Variants in PTPRD observed in about 807,000 individuals in gnomAD.
PTPRD encodes the protein receptor-type tyrosine-protein phosphatase delta.
A neutral mutation model predicts 214.5 loss-of-function variants in PTPRD; 34 were observed. The ratio of observed to expected loss-of-function variants is 0.16; its 90% CI spans 0.12 to 0.21. PTPRD has a LOEUF of 0.21. PTPRD is among the 10% of genes least tolerant of loss of function. PTPRD has a pLI of 1.00. For missense variants in PTPRD, 2,545 were observed against 2,398.7 expected, an observed-to-expected ratio of 1.06 and a Z score of -1.27; for synonymous variants, 1,128 against 845.7, an observed-to-expected ratio of 1.33 and a Z score of -5.79.
At chr9:9,215,805 T>C (rs1295478112) in intron 9 of PTPRD, among the ~76,000 whole-genome samples, 1 of 152,170 alleles carries the variant, frequency 6.6e-6, no homozygotes, top group African/African-American at 2.4e-5. Flanking sequence ...CCTCTATGTA[T>C]CAAGAATTGT....
intron 8 of PTPRD, among the ~76,000 whole-genome samples, chr9:9,438,735 A>G (rs1304838336): frequency 6.6e-6 from 1 of 152,218 alleles, no homozygotes; most frequent in African/African-American, 2.4e-5. Context: ...TTGCAATTTG[A>G]GAAGAAAATT....
chr9:10,519,848 T>A (rs1377562451), intron 2 of PTPRD, among the ~76,000 whole-genome samples: 1 of 152,052 alleles, frequency 6.6e-6, no homozygotes, highest in Admixed American at 6.6e-5. Flanking sequence ...CTTGATTAAC[T>A]AATGTTATGT....
At chr9:8,746,865 G>A (rs914672550) in intron 11 of PTPRD, among the ~76,000 whole-genome samples, 1 of 152,098 alleles carries the variant, frequency 6.6e-6, no homozygotes, top group Non-Finnish European at 1.5e-5. Context: ...TTGGATATGG[G>A]TCTCACATAG....
chr9:10,451,843 C>A (rs2098843622), intron 2 of PTPRD, among the ~76,000 whole-genome samples: 1 of 151,992 alleles, frequency 6.6e-6, no homozygotes, highest in Admixed American at 6.6e-5. Flanking sequence ...TGAGACAACA[C>A]TAAACCTCAC....
Position 10,394,430 on chromosome 9 carries a change from C to T in PTPRD, c.-599-53413G>A, listed in dbSNP as rs532120280. 9.2e-5 allele frequency among the ~76,000 whole-genome samples: 14 copies of T among 151,576 alleles called. No homozygotes were observed. In the South Asian group the frequency reaches 2.9e-3, roughly 31 times the overall value. ...TGCCTTCTTCTTAGTTAGGAACATA[C>T]AAAGGACAAACACTATCACTTAGTA... On this transcript the variant is annotated intron_variant, in intron 2 of 45. Transcript: ENST00000381196.
intron 12 of PTPRD, among the ~76,000 whole-genome samples, chr9:8,674,233 G>T (rs574499755): frequency 6.6e-6 from 1 of 152,146 alleles, no homozygotes; most frequent in African/African-American, 2.4e-5. Context: ...GCCGAGGCAG[G>T]CAGATCACAA....
At chr9:9,733,155 T>C (rs2098228716) in intron 7 of PTPRD, among the ~76,000 whole-genome samples, 1 of 152,184 alleles carries the variant, frequency 6.6e-6, no homozygotes, top group Non-Finnish European at 1.5e-5. Context: ...GTTAAAGTTA[T>C]GACAGAACAT....
At chr9:10,475,620 C>T (rs996128802) in intron 2 of PTPRD, among the ~76,000 whole-genome samples, 1 of 152,030 alleles carries the variant, frequency 6.6e-6, no homozygotes, top group Non-Finnish European at 1.5e-5. Context: ...GGGACTCCTC[C>T]TCAACTCATG....
intron 8 of PTPRD, among the ~76,000 whole-genome samples, chr9:9,402,642 T>A (rs948804075): frequency 6.6e-6 from 1 of 151,820 alleles, no homozygotes; most frequent in South Asian, 2.1e-4. Flanking sequence ...TACCAAAACA[T>A]TGAGATAATG....
intron 10 of PTPRD, among the ~76,000 whole-genome samples, chr9:9,030,105 C>A (rs572264355): frequency 6.6e-6 from 1 of 151,606 alleles, no homozygotes; most frequent in East Asian, 1.9e-4. Flanking sequence ...AAAATGCCAA[C>A]GAGAAAGAAC....
At chr9:10,522,217 G>A (rs1207487764) in intron 2 of PTPRD, among the ~76,000 whole-genome samples, 1 of 152,120 alleles carries the variant, frequency 6.6e-6, no homozygotes, top group East Asian at 1.9e-4. Context: ...ACACTAAGGA[G>A]TCTCTGAAGG....
At chr9:9,878,108 G>C (rs1447515563) in intron 5 of PTPRD, among the ~76,000 whole-genome samples, 1 of 151,712 alleles carries the variant, frequency 6.6e-6, no homozygotes, top group Non-Finnish European at 1.5e-5. Flanking sequence ...AGAGATTAAA[G>C]AATTCAACCT....
intron 5 of PTPRD, among the ~76,000 whole-genome samples, chr9:9,898,905 T>C (rs908113811): frequency 3.3e-5 from 5 of 152,014 alleles, no homozygotes; most frequent in African/African-American, 1.2e-4. Context: ...TATCCCATAT[T>C]CTCCAGGATT....
At chr9:8,591,834 T>C (rs1430965328) in intron 14 of PTPRD, among the ~76,000 whole-genome samples, 1 of 152,188 alleles carries the variant, frequency 6.6e-6, no homozygotes, top group Non-Finnish European at 1.5e-5. Context: ...ATTCACTATG[T>C]AAACCTTCTA....
At chr9:9,424,324 G>T (rs75123451) in intron 8 of PTPRD, among the ~76,000 whole-genome samples, 1 of 152,130 alleles carries the variant, frequency 6.6e-6, no homozygotes, top group Non-Finnish European at 1.5e-5. Context: ...AAGACAGTTG[G>T]TGCTGGTAAT....
chr9:8,389,099 G>T, intron 37 of PTPRD, 133 bp downstream of exon 37: 1 of 627,520 alleles, frequency 1.6e-6, no homozygotes, highest in East Asian at 3.2e-5. Flanking sequence ...AGTTGTTGAT[G>T]CCCATTCATA....
intron 3 of PTPRD, among the ~76,000 whole-genome samples, chr9:10,135,065 G>T (rs1041114529): frequency 5.3e-4 from 81 of 152,052 alleles, no homozygotes; most frequent in Admixed American, 5.3e-3. Context: ...TTTCACTACA[G>T]GAATTCCATA....
chr9:9,461,777 T>C (rs1383851371), intron 8 of PTPRD, among the ~76,000 whole-genome samples: 1 of 152,104 alleles, frequency 6.6e-6, no homozygotes, highest in East Asian at 1.9e-4. Context: ...GTGAAGGCAT[T>C]TGGATGTTAA....
intron 2 of PTPRD, among the ~76,000 whole-genome samples, chr9:10,579,177 T>C (rs994600130): frequency 3.3e-5 from 5 of 152,130 alleles, no homozygotes; most frequent in African/African-American, 4.8e-5. Flanking sequence ...TGCAGGTACA[T>C]AGATGAAGCT....
Sources: allele counts gnomAD v4.1 joint callset (sites outside exome capture counted in the v4.1 genomes callset), GRCh38; gene constraint gnomAD v4.1.1; transcripts MANE v1.5; gene names NCBI Gene and HGNC (gene_info 2026-07-23, HGNC 2026-07-21).